The following TRIM71 variants were observed in gnomAD, a reference collection of about 807,000 sequenced individuals.
TRIM71 encodes E3 ubiquitin-protein ligase TRIM71.
TRIM71 carries 9 observed loss-of-function variants against 61.2 expected under a neutral mutation model. That is an observed-to-expected ratio of 0.15 (90% CI 0.09 to 0.26). The LOEUF (loss-of-function observed/expected upper bound fraction) is 0.26. Among genes scored for constraint, TRIM71 ranks in the 10% least tolerant of loss-of-function variants. TRIM71 has a pLI of 1.00. For synonymous variants in TRIM71, 645 were observed against 553.2 expected, an observed-to-expected ratio of 1.17 and a Z score of -2.33; for missense variants, 998 against 1,238.7, an observed-to-expected ratio of 0.81 and a Z score of 2.92.
chr3:32,832,420 A>G (rs769996759), intron 1 of TRIM71, among the ~76,000 whole-genome samples: 2 of 152,358 alleles, frequency 1.3e-5, no homozygotes, highest in Admixed American at 1.3e-4. Context: ...GTGCGCTATG[A>G]TCATGCCATT....
At chr3:32,854,435 G>T (rs891420183) in intron 1 of TRIM71, among the ~76,000 whole-genome samples, 1 of 152,164 alleles carries the variant, frequency 6.6e-6, no homozygotes, top group African/African-American at 2.4e-5. Flanking sequence ...GAGAGGTTGT[G>T]ACCAGCTCAT....
Position 32,865,118 on chromosome 3 carries a change from A to C in TRIM71, c.853-8700A>C, listed in dbSNP as rs1198829761. Among the ~76,000 whole-genome samples, 4 of 152,228 alleles carry C rather than the reference A, an allele frequency of 2.6e-5. No individual in the cohort carries two copies. In the East Asian group the frequency reaches 7.7e-4, roughly 29 times the overall value. The stretch of plus-strand genomic sequence containing the variant: ...GCCGAGGCAGTCGGATCATGAGGTC[A>C]GGAGATTGAGACCATCCTGGCTAAC... On this transcript the variant is annotated intron_variant, in intron 1 of 3. Coordinates refer to ENST00000383763, the MANE Select transcript of TRIM71 (RefSeq NM_001039111.3).
intron 1 of TRIM71, among the ~76,000 whole-genome samples, chr3:32,857,337 A>G (rs1309992417): frequency 6.6e-6 from 1 of 152,186 alleles, no homozygotes. Flanking sequence ...TGCTTAGCAC[A>G]AGGGCATGCT....
intron 1 of TRIM71, among the ~76,000 whole-genome samples, chr3:32,871,475 G>T (rs1696794331): frequency 6.6e-6 from 1 of 152,136 alleles, no homozygotes; most frequent in Non-Finnish European, 1.5e-5. Context: ...TCTGATGGAA[G>T]GGTTTTCACA....
intron 1 of TRIM71, among the ~76,000 whole-genome samples, chr3:32,840,090 G>A (rs1696386689): frequency 6.6e-6 from 1 of 152,112 alleles, no homozygotes; most frequent in South Asian, 2.1e-4. Context: ...CTTTCCCAAG[G>A]CCTCTGCAAG....
rs1322783427 is a variant in TRIM71, at chr3:32,891,975, C to T, written c.*164C>T. The T allele has an allele frequency of 3.0e-6, 3 of 986,320 alleles. No homozygotes were observed. The highest frequency in any genetic ancestry group is 3.4e-5 in the African/African-American group (2 of 59,480). The allele number at this position is 986,320 out of a possible 1,614,324, so 61.1% of individuals were successfully genotyped here. On this transcript the variant is annotated 3_prime_UTR_variant, in exon 4 of 4. Transcript: ENST00000383763. The surrounding 1 kb of genome is among the most constrained non-coding windows in gnomAD (Gnocchi z 8.2). ...AGAGAACAAGAAAAGTACAACATTG[C>T]TTAAGTCCTACCTCATCTTTATTTT... is the stretch of plus-strand genomic sequence containing the variant.
intron 2 of TRIM71, among the ~76,000 whole-genome samples, chr3:32,883,287 T>G (rs1281830161): frequency 6.6e-6 from 1 of 152,264 alleles, no homozygotes; most frequent in South Asian, 2.1e-4. Flanking sequence ...TGCTTCACTT[T>G]ATTGGCTTCT....
chr3:32,882,591 T>TG (rs1335482422), intron 2 of TRIM71, among the ~76,000 whole-genome samples: 2 of 152,122 alleles, frequency 1.3e-5, no homozygotes, highest in Non-Finnish European at 2.9e-5. Context: ...TCACCCAGGC[T>TG]GGGGGGCGCG....
At chr3:32,864,965 CCCT>C (rs1252297845) in intron 1 of TRIM71, among the ~76,000 whole-genome samples, 1 of 151,536 alleles carries the variant, frequency 6.6e-6, no homozygotes, top group Non-Finnish European at 1.5e-5. Context: ...TGCCGGAATC[CCCT>C]CCTCTCCTTT....
rs2125671911 is a variant in TRIM71, at chr3:32,818,541, A to G, written c.461A>G (p.His154Arg). Residue 154 changes from histidine to arginine, a missense_variant, in exon 1 of 4, where the codon CAC becomes CGC. Around this residue, in one of 5 missense-constraint regions of TRIM71, gnomAD observed 527 missense variants for 427.8 expected, o/e 1.23. Transcript: ENST00000383763. ...GGHSNHRHHA[H>R]HAHPRASASA... Reference sequence around the variant, plus strand: ...CACAGCAACCACCGGCACCACGCTCACCACGCGCACCCGCGCGCGTCCGCC... The same window carrying G: ...CACAGCAACCACCGGCACCACGCTCGCCACGCGCACCCGCGCGCGTCCGCC... 7.8e-7 allele frequency: 1 copy of G among 1,288,832 alleles called. No homozygotes were observed. The highest frequency in any genetic ancestry group is 9.8e-7 in the Non-Finnish European group (1 of 1,024,868). The allele number at this position is 1,288,832 out of a possible 1,614,324, so 79.8% of individuals were successfully genotyped here.
At chr3:32,837,890 T>G (rs1171288054) in intron 1 of TRIM71, among the ~76,000 whole-genome samples, 1 of 152,212 alleles carries the variant, frequency 6.6e-6, no homozygotes. Flanking sequence ...CTTCTGTGTT[T>G]AAGACATTTG....
intron 1 of TRIM71, among the ~76,000 whole-genome samples, chr3:32,847,573 G>T (rs1696490020): frequency 6.6e-6 from 1 of 152,192 alleles, no homozygotes; most frequent in African/African-American, 2.4e-5. Context: ...TTAAGGTTGT[G>T]CATTTTAAAT....
Position 32,818,163 on chromosome 3 carries a change from ACT to A in TRIM71, c.85_86del (p.Ser29ValfsTer88). 6.2e-7 allele frequency: 1 copy of A among 1,602,486 alleles called. No homozygotes were observed. ...GGCTCGCCGGCGCCGCTCTCCTCCA[ACT>A]CGTCCGCGTCGTCGTCCTCCTCGCA... On this transcript the variant is annotated frameshift_variant, in exon 1 of 4. Coordinates refer to ENST00000383763, the MANE Select transcript of TRIM71 (RefSeq NM_001039111.3). LOFTEE classifies it high-confidence loss of function.
At chr3:32,826,197 G>A (rs1368736303) in intron 1 of TRIM71, among the ~76,000 whole-genome samples, 8 of 152,134 alleles carry the variant, frequency 5.3e-5, no homozygotes, top group African/African-American at 1.2e-4. Flanking sequence ...GGTGGCTTAC[G>A]CCTGCAATCC....
chr3:32,828,238 T>C (rs1333368197), intron 1 of TRIM71, among the ~76,000 whole-genome samples: 2 of 152,152 alleles, frequency 1.3e-5, no homozygotes, highest in African/African-American at 2.4e-5. Context: ...CTGAAAATGC[T>C]TCCAGAAATG....
At chr3:32,883,992 C>T (rs1284705191) in intron 2 of TRIM71, among the ~76,000 whole-genome samples, 1 of 152,150 alleles carries the variant, frequency 6.6e-6, no homozygotes, top group Admixed American at 6.5e-5. Context: ...TCCTGTGAGC[C>T]CTCTGGATCT....
At chr3:32,886,157 G>A in intron 3 of TRIM71, 89 bp downstream of exon 3, 1 of 1,427,772 alleles carries the variant, frequency 7.0e-7, no homozygotes. Flanking sequence ...ACAGATCCAG[G>A]AGCCAAGCTC....
intron 1 of TRIM71, among the ~76,000 whole-genome samples, chr3:32,834,694 T>G (rs567000002): frequency 6.6e-6 from 1 of 152,206 alleles, no homozygotes; most frequent in African/African-American, 2.4e-5. Flanking sequence ...ATACAAAAAT[T>G]AGCTAGGTGC....
chr3:32,887,481 CTT>C (rs10615630), intron 3 of TRIM71, among the ~76,000 whole-genome samples: 40,654 of 109,604 alleles, frequency 0.37, 6,437 homozygotes, highest in East Asian at 0.5. Context: ...TAATTACTGA[CTT>C]TTTTTTTTTT....
Sources: gnomAD v4.1 joint callset for allele counts (sites outside exome capture counted in the v4.1 genomes callset) on GRCh38, gnomAD v4.1.1 for gene constraint, gnomAD v4.1.1 regional missense constraint, Gnocchi (gnomAD v3.1) non-coding constraint, MANE v1.5 for transcripts, NCBI Gene and HGNC (gene_info 2026-07-23, HGNC 2026-07-21) for gene names.